STARD9: variants seen among roughly 807,000 people sequenced by gnomAD.
STARD9 encodes StAR related lipid transfer domain containing 9, also known as stAR-related lipid transfer protein 9.
Under a neutral mutation model 399.8 loss-of-function variants are expected in STARD9, and 346 were observed. The ratio of observed to expected loss-of-function variants is 0.87; its 90% CI spans 0.79 to 0.95. The LOEUF (loss-of-function observed/expected upper bound fraction) is 0.95. Among genes scored for constraint, STARD9 ranks in the 40% least tolerant of loss-of-function variants. The pLI, the probability that STARD9 is intolerant of heterozygous loss-of-function variation, is 0.00. For missense variants in STARD9, 5,832 were observed against 5,667.5 expected (o/e 1.03, Z -0.93); for synonymous variants, 2,203 against 2,143.5 (o/e 1.03, Z -0.77).
In STARD9 at chr15:42,685,861, T is replaced by G. The variant is rs1314032436; in HGVS notation, c.4283T>G (p.Ile1428Ser). ...ACGTCTAGGCTGTCTCTCTGGGGAA[T>G]TCAAAGGCTTATTCAACCAGGAGCT... Reference protein sequence around the residue: ...ADTSRLSLWGIQRLIQPGADG... With the variant: ...ADTSRLSLWGSQRLIQPGADG... The change falls in exon 23 of 33, where the codon ATT becomes AGT. Residue 1428 changes from isoleucine to serine, a missense_variant. Physicochemically the swap from Ile to Ser is moderately radical, Grantham distance 142. Around this residue, in one of 2 missense-constraint regions of STARD9, gnomAD observed 5,828 missense variants for 5,651.1 expected, o/e 1.03. Transcript: ENST00000290607. The G allele has an allele frequency of 4.6e-6, 7 of 1,537,088 alleles. No individual in the cohort carries two copies. In the South Asian group the frequency reaches 4.8e-5, roughly 10 times the overall value.
intron 7 of STARD9, 55 bp downstream of exon 7, chr15:42,638,867 C>T: frequency 2.1e-6 from 2 of 967,162 alleles, no homozygotes; most frequent in Non-Finnish European, 3.1e-6. Context: ...GGGAAGCTCT[C>T]CTAATGTTCC....
chr15:42,695,041 G>T, intron 24 of STARD9, 99 bp from the exon 25 acceptor site: 1 of 1,007,618 alleles, frequency 9.9e-7, no homozygotes, highest in Non-Finnish European at 1.4e-6. Flanking sequence ...TGGAGGTTGG[G>T]TCTTTTAAGA....
At chr15:42,578,174 G>A (rs1462256266) in intron 1 of STARD9, among the ~76,000 whole-genome samples, 1 of 150,898 alleles carries the variant, frequency 6.6e-6, no homozygotes, top group Non-Finnish European at 1.5e-5. Context: ...GCAATGGCGC[G>A]ATCTCAGCTC....
intron 3 of STARD9, among the ~76,000 whole-genome samples, chr15:42,601,851 A>T (rs2058637886): frequency 6.6e-6 from 1 of 151,924 alleles, no homozygotes; most frequent in African/African-American, 2.4e-5. Flanking sequence ...ACTTTATTTT[A>T]TTTATTTATT....
At chr15:42,675,551 A>G in intron 18 of STARD9, 113 bp from the exon 19 acceptor site, 1 of 776,416 alleles carries the variant, frequency 1.3e-6, no homozygotes, top group South Asian at 1.6e-5. Context: ...CAACTCAGCA[A>G]AATTATCAGT....
At chr15:42,576,969 T>G (rs868072798) in intron 1 of STARD9, among the ~76,000 whole-genome samples, 1 of 152,290 alleles carries the variant, frequency 6.6e-6, no homozygotes, top group Middle Eastern at 3.4e-3. Flanking sequence ...ACCTGGCTTC[T>G]TCATAACTGG....
At chr15:42,624,548 G>A (rs576117773) in intron 3 of STARD9, among the ~76,000 whole-genome samples, 6 of 143,962 alleles carry the variant, frequency 4.2e-5, no homozygotes, top group Non-Finnish European at 7.4e-5. Context: ...ACCATTTTCT[G>A]TTGTCTTTTT....
chr15:42,664,526 G>T (rs1441141705), intron 13 of STARD9, among the ~76,000 whole-genome samples: 1 of 151,926 alleles, frequency 6.6e-6, no homozygotes, highest in African/African-American at 2.4e-5. Context: ...ACCATGTTAG[G>T]CTGGTTTTCA....
intron 32 of STARD9, 77 bp downstream of exon 32, chr15:42,718,987 C>A: frequency 1.5e-6 from 2 of 1,354,244 alleles, no homozygotes; most frequent in Non-Finnish European, 2.0e-6. Flanking sequence ...TTCTGTCTCG[C>A]TTTTGAACAC....
At chr15:42,665,967 C>A in intron 15 of STARD9, 119 bp downstream of exon 15, 1 of 823,298 alleles carries the variant, frequency 1.2e-6, no homozygotes. Context: ...CATTTAAATA[C>A]AATGTTTGTT....
Position 42,675,724 on chromosome 15 carries a change from C to T in STARD9, c.1748C>T (p.Ala583Val). ...KFRFNHPAEA[A>V]VLRQRRQVGE... is the part of the protein sequence containing the mutation. ...CGATTCAACCACCCAGCAGAGGCTG[C>T]TGTCCTGCGGCAGCGAAGGCAGGTT... is the stretch of plus-strand genomic sequence containing the variant. The change falls in exon 19 of 33, where the codon GCT becomes GTT. Residue 583 changes from alanine (A) to valine (V), a missense_variant. Physicochemically the swap from Ala to Val is moderately conservative, Grantham distance 64. Coordinates refer to ENST00000290607, the MANE Select transcript of STARD9 (RefSeq NM_020759.3). 6.5e-7 allele frequency: 1 copy of T among 1,537,176 alleles called. No homozygotes were observed. Among genetic ancestry groups the T allele is most frequent in the Non-Finnish European group, 8.7e-7 (1 of 1,146,824 alleles).
rs1232539525 is a variant in STARD9 at position 42,694,036 on chromosome 15, C to G, written c.12458C>G (p.Pro4153Arg). ...SNWCGVQKGS[P>R]GGLDMTEEEL... ...TGGTGTGGGGTTCAGAAGGGCTCAC[C>G]TGGGGGGTTGGACATGACTGAGGAG... is the stretch of plus-strand genomic sequence containing the variant. Residue 4153 changes from proline (P) to arginine (R), a missense_variant, in exon 23 of 33, where the codon CCT becomes CGT. Pro to Arg is a moderately radical substitution (Grantham distance 103). Around this residue, in one of 2 missense-constraint regions of STARD9, gnomAD observed 5,828 missense variants for 5,651.1 expected, o/e 1.03. Transcript: ENST00000290607. 3 of 1,534,374 alleles carry G rather than the reference C, an allele frequency of 2.0e-6. No homozygotes were observed. Among genetic ancestry groups the G allele is most frequent in the African/African-American group, 1.4e-5 (1 of 73,130 alleles).
At chr15:42,618,048 C>T (rs1045868130) in intron 3 of STARD9, among the ~76,000 whole-genome samples, 15 of 152,188 alleles carry the variant, frequency 9.9e-5, no homozygotes, top group East Asian at 3.9e-4. Context: ...CATGAGCCAC[C>T]GTGCCTAGCC....
chr15:42,618,571 G>GA (rs1250919893), intron 3 of STARD9, among the ~76,000 whole-genome samples: 4 of 151,350 alleles, frequency 2.6e-5, no homozygotes, highest in Admixed American at 2.0e-4. Context: ...AAAAATACTT[G>GA]AAAAAAAAGT....
chr15:42,668,780 A>G (rs1459654067), intron 15 of STARD9, among the ~76,000 whole-genome samples: 1 of 152,236 alleles, frequency 6.6e-6, no homozygotes, highest in East Asian at 1.9e-4. Context: ...AGTATGGATC[A>G]TGTAAAACTG....
intron 1 of STARD9, among the ~76,000 whole-genome samples, chr15:42,576,094 A>G (rs2058049458): frequency 1.3e-5 from 2 of 152,238 alleles, no homozygotes; most frequent in Admixed American, 6.5e-5. Flanking sequence ...AGGGATGAGC[A>G]TTCTCCTCTC....
chr15:42,654,740 C>G (rs1445061414), intron 9 of STARD9, among the ~76,000 whole-genome samples: 2 of 151,600 alleles, frequency 1.3e-5, no homozygotes, highest in East Asian at 3.9e-4. Flanking sequence ...AAGACCTGTA[C>G]AAGAAGAACT....
At chr15:42,664,325 T>C (rs2060048161) in intron 13 of STARD9, among the ~76,000 whole-genome samples, 1 of 152,132 alleles carries the variant, frequency 6.6e-6, no homozygotes, top group Non-Finnish European at 1.5e-5. Context: ...GTTTACTGCT[T>C]TTATTTTGAA....
At chr15:42,706,562 G>T (rs1162309698) in intron 26 of STARD9, among the ~76,000 whole-genome samples, 1 of 151,310 alleles carries the variant, frequency 6.6e-6, no homozygotes, top group Non-Finnish European at 1.5e-5. Context: ...CGATTCTCCT[G>T]CCTCAGCCTC....
Sources: allele counts gnomAD v4.1 joint callset (sites outside exome capture counted in the v4.1 genomes callset), GRCh38; gene constraint gnomAD v4.1.1; regional missense constraint gnomAD v4.1.1; transcripts MANE v1.5; gene names NCBI Gene and HGNC (gene_info 2026-07-23, HGNC 2026-07-21).